The following SAMD12 variants were observed in gnomAD, a reference collection of about 807,000 sequenced individuals.
SAMD12 encodes the protein sterile alpha motif domain containing 12.
Under a neutral mutation model 15.0 loss-of-function variants are expected in SAMD12, and 9 were observed. The observed-to-expected ratio is 0.60, with a 90% CI of 0.36 to 1.05. SAMD12 has a LOEUF of 1.05. Ranked by LOEUF, SAMD12 falls within the 50% of genes least tolerant of loss-of-function variation. The pLI, the probability that SAMD12 is intolerant of heterozygous loss-of-function variation, is 0.01. For synonymous variants in SAMD12, 86 were observed against 90.1 expected (o/e 0.96, Z 0.25); for missense variants, 230 against 234.2 (o/e 0.98, Z 0.12).
chr8:118,293,677 C>G (rs1247455739), intron 4 of SAMD12, among the ~76,000 whole-genome samples: 1 of 152,140 alleles, frequency 6.6e-6, no homozygotes, highest in African/African-American at 2.4e-5. Context: ...TAGAAGCCAG[C>G]TGAAGATGCA....
chr8:118,562,099 G>A (rs994937055), intron 2 of SAMD12, among the ~76,000 whole-genome samples: 9 of 152,174 alleles, frequency 5.9e-5, no homozygotes, highest in Admixed American at 6.5e-5. Flanking sequence ...CTTGACTGCC[G>A]TCTAATACCA....
intron 2 of SAMD12, among the ~76,000 whole-genome samples, chr8:118,483,433 T>C (rs905492323): frequency 2.6e-5 from 4 of 152,236 alleles, no homozygotes; most frequent in African/African-American, 9.6e-5. Context: ...TCATCTAATG[T>C]GGTCATTTAC....
At chr8:118,206,135 T>C (rs1345084877) in intron 4 of SAMD12, among the ~76,000 whole-genome samples, 3 of 152,206 alleles carry the variant, frequency 2.0e-5, no homozygotes, top group African/African-American at 7.2e-5. Flanking sequence ...TTCTTAACAT[T>C]TTTCTTTTGT....
intron 4 of SAMD12, among the ~76,000 whole-genome samples, chr8:118,366,918 A>AT (rs1359729394): frequency 3.3e-5 from 5 of 149,716 alleles, no homozygotes; most frequent in Non-Finnish European, 7.4e-5. Flanking sequence ...ATAAAATAAA[A>AT]ATGAACAAAA....
intron 2 of SAMD12, among the ~76,000 whole-genome samples, chr8:118,515,404 A>G (rs7840164): frequency 0.64 from 96,398 of 151,624 alleles, 30,864 homozygotes; most frequent in South Asian, 0.71. Context: ...AGTTTCCTGA[A>G]GCTTCCTCAG....
the SAMD12 span, among the ~76,000 whole-genome samples, chr8:118,179,213 G>A: frequency 2.0e-5 from 3 of 152,182 alleles, no homozygotes; most frequent in East Asian, 1.9e-4. Flanking sequence ...TGAGGCAGGC[G>A]GATCACCTGA....
chr8:118,434,381 AGT>A (rs1339650851), intron 3 of SAMD12, among the ~76,000 whole-genome samples: 1 of 152,250 alleles, frequency 6.6e-6, no homozygotes, highest in African/African-American at 2.4e-5. Context: ...TCGTCCATGA[AGT>A]AGACCAAGGA....
In SAMD12 at chr8:118,547,059, A is replaced by G. The variant is rs1826150994; in HGVS notation, c.192+33656T>C. The stretch of plus-strand genomic sequence containing the variant: ...TTTGCTTGAGACTCATTCAGGAGTA[A>G]AGAAATAGAAGCTCCAAGTTAGGTA... On this transcript the variant is annotated intron_variant, in intron 2 of 3. Transcript: ENST00000314727. 3.9e-5 allele frequency among the ~76,000 whole-genome samples: 6 copies of G among 152,232 alleles called. No homozygotes were observed. In the South Asian group the frequency reaches 1.2e-3, roughly 31 times the overall value.
intron 2 of SAMD12, among the ~76,000 whole-genome samples, chr8:118,515,217 T>C (rs1415255821): frequency 7.2e-6 from 1 of 138,450 alleles, no homozygotes; most frequent in African/African-American, 2.8e-5. Context: ...GTATTTTCAG[T>C]AGAGATGGGG....
intron 4 of SAMD12, among the ~76,000 whole-genome samples, chr8:118,299,226 G>A (rs1157553877): frequency 2.6e-5 from 4 of 152,206 alleles, no homozygotes. Flanking sequence ...ACCAGAGCCT[G>A]GGAGCTCAGA....
intron 4 of SAMD12, among the ~76,000 whole-genome samples, chr8:118,367,456 C>T (rs1818859546): frequency 6.6e-6 from 1 of 152,202 alleles, no homozygotes; most frequent in Non-Finnish European, 1.5e-5. Context: ...ACCTGTAACT[C>T]ATCTTTCTTC....
chr8:118,494,622 C>T (rs1824551494), intron 2 of SAMD12, among the ~76,000 whole-genome samples: 1 of 152,214 alleles, frequency 6.6e-6, no homozygotes. Flanking sequence ...ACACCTTCCT[C>T]TTATTCACCT....
At chr8:118,494,228 T>C (rs1824534816) in intron 2 of SAMD12, among the ~76,000 whole-genome samples, 1 of 152,186 alleles carries the variant, frequency 6.6e-6, no homozygotes, top group Admixed American at 6.5e-5. Flanking sequence ...CAGTCAATTT[T>C]TTCTCCAGAG....
intron 4 of SAMD12, among the ~76,000 whole-genome samples, chr8:118,211,427 CAGAG>C (rs1011453957): frequency 3.3e-5 from 5 of 152,122 alleles, no homozygotes; most frequent in African/African-American, 1.2e-4. Context: ...CTGGCCCAGA[CAGAG>C]AGAGAGGGAG....
intron 4 of SAMD12, among the ~76,000 whole-genome samples, chr8:118,272,266 C>G (rs1384215573): frequency 6.6e-6 from 1 of 152,232 alleles, no homozygotes; most frequent in Admixed American, 6.5e-5. Context: ...TAAGCAAGAG[C>G]CTGAGCTGTA....
At chr8:118,483,785 T>C (rs1824197305) in intron 2 of SAMD12, among the ~76,000 whole-genome samples, 1 of 152,206 alleles carries the variant, frequency 6.6e-6, no homozygotes, top group African/African-American at 2.4e-5. Context: ...ATTTGTGCTT[T>C]AATTTTTAGA....
intron 2 of SAMD12, among the ~76,000 whole-genome samples, chr8:118,512,017 A>G (rs1721406806): frequency 6.6e-6 from 1 of 151,724 alleles, no homozygotes; most frequent in Non-Finnish European, 1.5e-5. Context: ...CTTTTCTAAG[A>G]AAGGAAACTG....
rs570996251 is a variant in SAMD12 at position 118,481,004 on chromosome 8, A to G, written c.193-41043T>C. ...GTTGCCCAGGCTGGAGTGCAGTGGCACGATCTTGGCTCACTGCATCCTCTG... is the reference window on the plus strand; with the variant it reads ...GTTGCCCAGGCTGGAGTGCAGTGGCGCGATCTTGGCTCACTGCATCCTCTG... On this transcript the variant is annotated intron_variant, in intron 2 of 3. Coordinates refer to ENST00000314727, the MANE Select transcript of SAMD12 (RefSeq NM_207506.3). Among the ~76,000 whole-genome samples the G allele has an allele frequency of 7.2e-5, 11 of 152,300 alleles. 1 individual carries two copies. The South Asian group carries it at 2.1e-3, about 29-fold the overall frequency.
chr8:118,544,590 T>C (rs982326233), intron 2 of SAMD12, among the ~76,000 whole-genome samples: 4 of 152,026 alleles, frequency 2.6e-5, no homozygotes, highest in African/African-American at 9.7e-5. Flanking sequence ...TCCTTGAAAA[T>C]CACACTGAAA....
Sources: gnomAD v4.1 joint callset for allele counts (sites outside exome capture counted in the v4.1 genomes callset) on GRCh38, gnomAD v4.1.1 for gene constraint, MANE v1.5 for transcripts, NCBI Gene and HGNC (gene_info 2026-07-23, HGNC 2026-07-21) for gene names.